Variants in IDO2 observed in about 807,000 individuals in gnomAD.
IDO2 encodes the protein indoleamine 2,3-dioxygenase 2, also known as indoleamine 2,3-dioxygenase-like 1 protein.
IDO2 carries 46 observed loss-of-function variants against 45.1 expected under a neutral mutation model. That is an observed-to-expected ratio of 1.02 (90% confidence interval 0.80 to 1.30). The LOEUF (loss-of-function observed/expected upper bound fraction) is 1.30, where lower values mean the gene tolerates loss of function less well. IDO2 is among the 50% of genes most tolerant of loss of function. The pLI is 0.00. For missense variants in IDO2, 544 were observed against 491.8 expected, an observed-to-expected ratio of 1.11 and a Z score of -1.00; for synonymous variants, 218 against 184.9, an observed-to-expected ratio of 1.18 and a Z score of -1.45.
intron 6 of IDO2, 97 bp from the exon 7 acceptor site, chr8:39,987,774 C>A (rs555074063): frequency 4.4e-5 from 30 of 684,474 alleles, no homozygotes; most frequent in African/African-American, 3.9e-4. Context: ...GCAGTGATTC[C>A]ACCCTGCAGT....
intron 5 of IDO2, 189 bp from the exon 6 acceptor site, chr8:39,985,319 T>C (rs1808407600): frequency 4.9e-6 from 3 of 609,720 alleles, no homozygotes; most frequent in African/African-American, 1.9e-5. Flanking sequence ...TAGCACCCCA[T>C]AGTCCAGCCA....
intron 3 of IDO2, among the ~76,000 whole-genome samples, chr8:39,968,960 G>A (rs1480993902): frequency 6.6e-6 from 1 of 151,762 alleles, no homozygotes; most frequent in Non-Finnish European, 1.5e-5. Context: ...TGAAGAGAGT[G>A]GGGAGTAGGG....
At chr8:39,971,441 T>C (rs930098790) in intron 3 of IDO2, among the ~76,000 whole-genome samples, 1 of 152,224 alleles carries the variant, frequency 6.6e-6, no homozygotes, top group Non-Finnish European at 1.5e-5. Flanking sequence ...CTAACACATT[T>C]GTTCTGCAAC....
intron 3 of IDO2, 125 bp from the exon 4 acceptor site, chr8:39,978,942 C>A (rs1808300668): frequency 1.2e-6 from 1 of 861,110 alleles, no homozygotes; most frequent in Non-Finnish European, 1.8e-6. Context: ...TTTGTACCTT[C>A]ATTAAAATAT....
chr8:39,961,582 C>G (rs1807998841), intron 2 of IDO2, among the ~76,000 whole-genome samples: 1 of 152,044 alleles, frequency 6.6e-6, no homozygotes, highest in Non-Finnish European at 1.5e-5. Flanking sequence ...TCGGCCTCCC[C>G]AAGTGCTGAA....
chr8:39,980,672 G>T (rs1808328848), intron 4 of IDO2, among the ~76,000 whole-genome samples: 1 of 152,174 alleles, frequency 6.6e-6, no homozygotes, highest in South Asian at 2.1e-4. Flanking sequence ...GTCTCTCGGG[G>T]AAACACAGGA....
chr8:40,003,024 A>G (rs1802163516), intron 8 of IDO2, among the ~76,000 whole-genome samples: 1 of 152,202 alleles, frequency 6.6e-6, no homozygotes, highest in African/African-American at 2.4e-5. Context: ...ATGGCCTGAA[A>G]TATATCCAGA....
intron 10 of IDO2, among the ~76,000 whole-genome samples, chr8:40,014,013 G>C (rs1445553915): frequency 6.6e-6 from 1 of 152,094 alleles, no homozygotes; most frequent in East Asian, 1.9e-4. Flanking sequence ...TTTCTGAAAT[G>C]GGGGAGAGAT....
chr8:39,997,206 C>G (rs1001607410), intron 8 of IDO2, among the ~76,000 whole-genome samples: 18 of 152,048 alleles, frequency 1.2e-4, no homozygotes, highest in African/African-American at 4.4e-4. Context: ...ATGAATTAAC[C>G]CAGCTGCTTC....
At chr8:40,002,934 A>G (rs1802162803) in intron 8 of IDO2, among the ~76,000 whole-genome samples, 1 of 152,232 alleles carries the variant, frequency 6.6e-6, no homozygotes, top group Admixed American at 6.6e-5. Flanking sequence ...GAGGCAGAGA[A>G]TAGCATAAAA....
chr8:40,016,380 A>C (rs1802387560), exon 11 of IDO2: 1 of 385,618 alleles, frequency 2.6e-6, no homozygotes, highest in Non-Finnish European at 4.6e-6. Context: ...ATAAATGTAA[A>C]TGCTTTTATT....
intron 1 of IDO2, among the ~76,000 whole-genome samples, chr8:39,935,734 G>A (rs1463239721): frequency 6.6e-6 from 1 of 152,164 alleles, no homozygotes; most frequent in Non-Finnish European, 1.5e-5. Context: ...ACAGGCATGA[G>A]CCACCTTGCC....
At chr8:39,983,642 T>C (rs1246339032) in intron 5 of IDO2, among the ~76,000 whole-genome samples, 1 of 152,080 alleles carries the variant, frequency 6.6e-6, no homozygotes, top group African/African-American at 2.4e-5. Flanking sequence ...GGCAGGTGGA[T>C]CATCTGAGGT....
intron 1 of IDO2, among the ~76,000 whole-genome samples, chr8:39,948,342 C>T (rs1041368842): frequency 6.6e-6 from 1 of 152,180 alleles, no homozygotes; most frequent in South Asian, 2.1e-4. Context: ...CTGCTCACCA[C>T]AGATCACTGG....
intron 9 of IDO2, among the ~76,000 whole-genome samples, chr8:40,010,976 A>G (rs1459487822): frequency 6.6e-6 from 1 of 152,172 alleles, no homozygotes; most frequent in Non-Finnish European, 1.5e-5. Flanking sequence ...CAATGGCACA[A>G]TCTCAGCTCA....
intron 2 of IDO2, among the ~76,000 whole-genome samples, chr8:39,953,054 C>G (rs1807834679): frequency 6.6e-6 from 1 of 152,028 alleles, no homozygotes; most frequent in Non-Finnish European, 1.5e-5. Flanking sequence ...AGCCATGAAC[C>G]ACTGCGCCTG....
chr8:39,975,159 G>GTTT (rs368341548), intron 3 of IDO2, among the ~76,000 whole-genome samples: 1 of 142,518 alleles, frequency 7.0e-6, no homozygotes, highest in Non-Finnish European at 1.5e-5. Context: ...CAACATTGGA[G>GTTT]TTTTTTTTTT....
chr8:39,942,717 C>T (rs1040334866), intron 1 of IDO2, among the ~76,000 whole-genome samples: 2 of 152,156 alleles, frequency 1.3e-5, no homozygotes, highest in Non-Finnish European at 2.9e-5. Flanking sequence ...AACTCTGATG[C>T]CAGCTTCCAG....
intron 9 of IDO2, among the ~76,000 whole-genome samples, chr8:40,007,329 T>C (rs569751121): frequency 1.3e-5 from 2 of 152,016 alleles, no homozygotes; most frequent in South Asian, 4.2e-4. Context: ...ATTGGGTGTG[T>C]TTGACGTGTG....
Sources: allele counts gnomAD v4.1 joint callset (sites outside exome capture counted in the v4.1 genomes callset), GRCh38; gene constraint gnomAD v4.1.1; transcripts MANE v1.5; gene names NCBI Gene and HGNC (gene_info 2026-07-23, HGNC 2026-07-21).